Variants in JAK1 observed in about 807,000 individuals in gnomAD.
JAK1 encodes the protein Janus kinase 1, also known as tyrosine-protein kinase JAK1.
Under a neutral mutation model 136.6 loss-of-function variants are expected in JAK1, and 16 were observed. The ratio of observed to expected loss-of-function variants is 0.12; its 90% confidence interval spans 0.08 to 0.18. JAK1 has a LOEUF of 0.18. Ranked by LOEUF, JAK1 falls within the 10% of genes least tolerant of loss-of-function variation. The pLI, the probability that JAK1 is intolerant of heterozygous loss-of-function variation, is 1.00. For synonymous variants in JAK1, 492 were observed against 519.5 expected (o/e 0.95, Z 0.72); for missense variants, 859 against 1,450.1 (o/e 0.59, Z 6.62).
intron 2 of JAK1, among the ~76,000 whole-genome samples, chr1:65,040,002 G>A (rs1435080014): frequency 1.3e-5 from 2 of 152,130 alleles, no homozygotes; most frequent in Non-Finnish European, 2.9e-5. Context: ...ATCACCTGAG[G>A]TCAGGAGTTC....
At chr1:64,862,058 T>C (rs1033365678) in intron 8 of JAK1, among the ~76,000 whole-genome samples, 1 of 152,158 alleles carries the variant, frequency 6.6e-6, no homozygotes, top group African/African-American at 2.4e-5. Flanking sequence ...CTTGACAACA[T>C]GCTGGTATCA....
intron 14 of JAK1, 142 bp from the exon 15 acceptor site, chr1:64,845,782 G>A (rs1655194133): frequency 4.0e-6 from 4 of 993,610 alleles, no homozygotes; most frequent in Non-Finnish European, 6.1e-6. Flanking sequence ...TGGTGCAGGG[G>A]CTTCAGAGCT....
At chr1:64,913,663 G>GGAAA (rs1645330068) in intron 1 of JAK1, among the ~76,000 whole-genome samples, 4 of 19,014 alleles carry the variant, frequency 2.1e-4, no homozygotes, top group Non-Finnish European at 5.0e-4. Context: ...AAAGAAGGAA[G>GGAAA]GAAGGAAGGA....
intron 1 of JAK1, among the ~76,000 whole-genome samples, chr1:65,067,041 G>T (rs1176292710): frequency 6.6e-6 from 1 of 152,074 alleles, no homozygotes; most frequent in Admixed American, 6.5e-5. Flanking sequence ...CCATGGGCGA[G>T]GTCGCCCCGC....
chr1:64,985,607 A>T (rs1646591088), intron 2 of JAK1: 1 of 891,492 alleles, frequency 1.1e-6, no homozygotes, highest in South Asian at 1.5e-5. Flanking sequence ...GAATTCCAAC[A>T]ACAATGCCCA....
At chr1:65,057,586 G>C (rs116128625) in intron 1 of JAK1, among the ~76,000 whole-genome samples, 2,357 of 152,240 alleles carry the variant, frequency 0.015, 47 homozygotes, top group African/African-American at 0.054. Flanking sequence ...AGACTCGGGA[G>C]GTTGAGGTGG....
At chr1:65,031,155 CAAAA>C (rs375856684) in intron 2 of JAK1, among the ~76,000 whole-genome samples, 3 of 68,276 alleles carry the variant, frequency 4.4e-5, no homozygotes, top group Non-Finnish European at 6.1e-5. Context: ...GACCCTATCT[CAAAA>C]AAAAAAAAAA....
At chr1:64,838,889 T>TAATC (rs1252644914) in intron 20 of JAK1, among the ~76,000 whole-genome samples, 2 of 152,028 alleles carry the variant, frequency 1.3e-5, no homozygotes, top group Non-Finnish European at 2.9e-5. Flanking sequence ...CTCACGCTTG[T>TAATC]AATCCCAGCA....
At chr1:64,878,907 G>C in intron 4 of JAK1, 118 bp downstream of exon 4, 11 of 984,260 alleles carry the variant, frequency 1.1e-5, no homozygotes. Flanking sequence ...AAATACAAAA[G>C]TTACAAATTA....
chr1:65,015,209 A>G (rs1431110687), intron 2 of JAK1, among the ~76,000 whole-genome samples: 2 of 152,202 alleles, frequency 1.3e-5, no homozygotes, highest in African/African-American at 4.8e-5. Context: ...AAATATATGA[A>G]TAAATCTAAA....
chr1:64,947,846 A>G (rs1188603376), intron 1 of JAK1, among the ~76,000 whole-genome samples: 1 of 151,992 alleles, frequency 6.6e-6, no homozygotes, highest in Admixed American at 6.6e-5. Flanking sequence ...GAATACTCTT[A>G]TACCTCTGAA....
At chr1:65,008,283 T>C (rs1235712231) in intron 2 of JAK1, among the ~76,000 whole-genome samples, 1 of 152,170 alleles carries the variant, frequency 6.6e-6, no homozygotes, top group Non-Finnish European at 1.5e-5. Flanking sequence ...GAAATGTGTA[T>C]GGTGTGTCCT....
chr1:64,967,861 G>A (rs148967385), upstream of JAK1, among the ~76,000 whole-genome samples: 10 of 152,206 alleles, frequency 6.6e-5, no homozygotes, highest in Admixed American at 1.3e-4. Flanking sequence ...GAGGCAACCC[G>A]GGTTGCCTGC....
chr1:64,918,646 G>C (rs1301717572), intron 1 of JAK1: 1 of 191,244 alleles, frequency 5.2e-6, no homozygotes, highest in East Asian at 1.5e-4. Context: ...CAGTGAATGT[G>C]GATTACAGTA....
intron 1 of JAK1, among the ~76,000 whole-genome samples, chr1:65,053,341 C>A (rs919835235): frequency 2.6e-5 from 4 of 151,676 alleles, no homozygotes; most frequent in African/African-American, 7.3e-5. Flanking sequence ...CAAGACTCCG[C>A]CTCAAAAAAA....
chr1:64,930,039 G>A (rs1645661072), intron 1 of JAK1, among the ~76,000 whole-genome samples: 1 of 152,152 alleles, frequency 6.6e-6, no homozygotes, highest in Admixed American at 6.5e-5. Flanking sequence ...ACTCAAGACG[G>A]ATTAAAGACT....
chr1:64,946,203 TAC>T (rs1391668890), intron 1 of JAK1, among the ~76,000 whole-genome samples: 1 of 152,180 alleles, frequency 6.6e-6, no homozygotes, highest in Non-Finnish European at 1.5e-5. Context: ...AGCTGAACAA[TAC>T]AGAGATCCTC....
rs1646382039 is a variant in JAK1 at position 64,966,476 on chromosome 1, G to A, written c.-221C>T. Reference sequence around the variant, plus strand: ...GGAGGGGTCGCGGCGAGGACAGCCGGGACTGGGCGCAGGCCCGCACTGTCT... The same window carrying A: ...GGAGGGGTCGCGGCGAGGACAGCCGAGACTGGGCGCAGGCCCGCACTGTCT... On this transcript the variant is annotated 5_prime_UTR_variant, in exon 1 of 25. Transcript: ENST00000342505. 1 of 150,894 alleles carries A rather than the reference G, an allele frequency of 6.6e-6. No homozygotes were observed. Among genetic ancestry groups the A allele is most frequent in the Non-Finnish European group, 1.5e-5 (1 of 67,652 alleles). 9.3% of individuals were successfully genotyped at this position (150,894 alleles called of 1,614,324 possible).
At chr1:64,920,289 T>C (rs1380488104) in intron 1 of JAK1, among the ~76,000 whole-genome samples, 3 of 152,144 alleles carry the variant, frequency 2.0e-5, no homozygotes, top group Non-Finnish European at 4.4e-5. Flanking sequence ...TGTGTCATCC[T>C]AGCACTTTGG....
Sources: gnomAD v4.1 joint callset for allele counts (sites outside exome capture counted in the v4.1 genomes callset) on GRCh38, gnomAD v4.1.1 for gene constraint, MANE v1.5 for transcripts, NCBI Gene and HGNC (gene_info 2026-07-23, HGNC 2026-07-21) for gene names.